The following PAPPA2 variants were observed in gnomAD, a reference collection of about 807,000 sequenced individuals.
The protein encoded by PAPPA2 is pappalysin 2.
A neutral mutation model predicts 176.4 loss-of-function variants in PAPPA2; 86 were observed. The observed-to-expected ratio is 0.49, with a 90% CI of 0.41 to 0.58. The LOEUF (loss-of-function observed/expected upper bound fraction) is 0.58, where lower values mean the gene tolerates loss of function less well. PAPPA2 is among the 20% of genes least tolerant of loss of function. The probability of loss-of-function intolerance (pLI) is 0.00; values close to 1 mark genes in which losing one functional copy is unlikely to be tolerated. For synonymous variants in PAPPA2, 809 were observed against 852.2 expected (o/e 0.95, Z 0.88); for missense variants, 2,073 against 2,256.9 (o/e 0.92, Z 1.65).
At chr1:176,707,992 C>T (rs1007994167) in intron 10 of PAPPA2, among the ~76,000 whole-genome samples, 3 of 152,110 alleles carry the variant, frequency 2.0e-5, no homozygotes, top group Non-Finnish European at 4.4e-5. Flanking sequence ...CTGGCTATGC[C>T]GAATACATCG....
In PAPPA2 at chr1:176,781,466, T is replaced by C. The variant is rs529743115; in HGVS notation, c.4716-8343T>C. Among the ~76,000 whole-genome samples the C allele has an allele frequency of 3.5e-5, 5 of 141,380 alleles. No individual in the cohort carries two copies. In the East Asian group the frequency reaches 1.0e-3, roughly 29 times the overall value. 92.8% of individuals were successfully genotyped at this position (141,380 alleles called of 152,430 possible). A position where few individuals can be genotyped will look rare whatever the true frequency, so the allele number is the denominator to read the frequency against. On this transcript the variant is annotated intron_variant, in intron 17 of 22. Coordinates refer to ENST00000367662, the MANE Select transcript of PAPPA2 (RefSeq NM_020318.3). ...CCTGCTGATGCTATTTCTTATCCTG[T>C]AGAAAGGGCTAGAATAGGACATCAG...
At position 176,595,385 on chromosome 1, in the gene PAPPA2, A is replaced by T; in HGVS notation, c.1781A>T (p.Asp594Val). The T allele has an allele frequency of 1.2e-6, 2 of 1,614,108 alleles. No homozygotes were observed. Among genetic ancestry groups the T allele is most frequent in the Non-Finnish European group, 1.7e-6 (2 of 1,180,016 alleles). Residue 594 changes from aspartate to valine, a missense_variant, in exon 3 of 23, where the codon GAC (aspartate) becomes GTC (valine). Around this residue, in one of 4 missense-constraint regions of PAPPA2, gnomAD observed 1,196 missense variants for 1,330.4 expected, o/e 0.90. Coordinates refer to ENST00000367662, the MANE Select transcript of PAPPA2 (RefSeq NM_020318.3). ...TGTGAGCCCAGCAAGATTGGCAATG[A>T]CCATTGTGACCCCGAGTGTGAGCAC... ...VNCEPSKIGN[D>V]HCDPECEHPL...
intron 20 of PAPPA2, among the ~76,000 whole-genome samples, chr1:176,795,034 T>C (rs997017213): frequency 2.0e-5 from 3 of 152,156 alleles, no homozygotes; most frequent in South Asian, 4.1e-4. Context: ...TGCCCATTGC[T>C]CATGTCCTCA....
intron 12 of PAPPA2, among the ~76,000 whole-genome samples, chr1:176,713,971 A>C (rs1661257095): frequency 6.6e-6 from 1 of 152,132 alleles, no homozygotes; most frequent in Non-Finnish European, 1.5e-5. Flanking sequence ...GGCTGGCCTA[A>C]AACAATTAAT....
chr1:176,623,789 T>TTCTTTCTTTCTTTCTTTCTC (rs1655837293), intron 3 of PAPPA2, among the ~76,000 whole-genome samples: 1 of 120,754 alleles, frequency 8.3e-6, no homozygotes, highest in Admixed American at 9.1e-5. Context: ...CTTTCTTTCT[T>TTCTTTCTTTCTTTCTTTCTC]TCTTTCTTTC....
At chr1:176,591,251 C>G (rs980049977) in intron 2 of PAPPA2, among the ~76,000 whole-genome samples, 1 of 152,112 alleles carries the variant, frequency 6.6e-6, no homozygotes, top group African/African-American at 2.4e-5. Flanking sequence ...CTGATCTTAT[C>G]TCTTGGAATT....
chr1:176,796,930 C>T (rs1211399322), intron 20 of PAPPA2, among the ~76,000 whole-genome samples: 2 of 151,696 alleles, frequency 1.3e-5, no homozygotes, highest in African/African-American at 4.8e-5. Flanking sequence ...TTCTTTTCTT[C>T]CTTTCTTTTC....
chr1:176,796,605 C>CTT (rs1665438335), intron 20 of PAPPA2, among the ~76,000 whole-genome samples: 3 of 37,352 alleles, frequency 8.0e-5, no homozygotes, highest in South Asian at 2.4e-3. Context: ...TCTTTCTTTT[C>CTT]TTTTCTTTTC....
chr1:176,671,006 G>A lies in PAPPA2; in HGVS notation c.2028G>A (p.Leu676=). ...YMSVKELKEA[L]QLNSTHFLNI... ...GTGTGAAGGAGCTGAAGGAGGCCCT[G>A]CAGCTGAACAGTACTCACTTCCTCA... The change falls in exon 4 of 23, where the codon CTG becomes CTA. Residue 676 remains leucine (L), a synonymous_variant. Transcript: ENST00000367662. 6.2e-7 allele frequency: 1 copy of A among 1,613,918 alleles called. No individual in the cohort carries two copies. The highest frequency in any genetic ancestry group is 8.5e-7 in the Non-Finnish European group (1 of 1,179,862).
In PAPPA2 at chr1:176,817,113, T is replaced by C. The variant is rs560723311; in HGVS notation, c.5202+16981T>C. Among the ~76,000 whole-genome samples, 3 of 152,004 alleles carry C rather than the reference T, an allele frequency of 2.0e-5. No homozygotes were observed. The East Asian group carries it at 5.8e-4, about 29-fold the overall frequency. On this transcript the variant is annotated intron_variant, in intron 21 of 22. Transcript: ENST00000367662. ...TAGGGGATCAGAGAAAAGAAAGTGG[T>C]TGTGTTTGGGGAGCAGGCAAGAGGT...
At chr1:176,506,957 G>C (rs1648303197) in intron 1 of PAPPA2, among the ~76,000 whole-genome samples, 1 of 152,002 alleles carries the variant, frequency 6.6e-6, no homozygotes, top group Admixed American at 6.6e-5. Context: ...TTAAACTAAA[G>C]AGCTTCTGCA....
Position 176,769,682 on chromosome 1 carries a change from C to T in PAPPA2, c.4399C>T (p.Pro1467Ser). 6.2e-7 allele frequency: 1 copy of T among 1,613,982 alleles called. No homozygotes were observed. The highest frequency in any genetic ancestry group is 8.5e-7 in the Non-Finnish European group (1 of 1,179,966). ...VSCLPVDCGVPDPSLVNYANF... is the reference protein window; with the variant it reads ...VSCLPVDCGVSDPSLVNYANF... ...CTGCCTTCCCGTGGACTGCGGTGTT[C>T]CCGACCCGTCTTTGGTGAACTATGC... The change falls in exon 16 of 23, where the codon CCC becomes TCC. Residue 1467 changes from proline to serine, a missense_variant. By Grantham distance (74) the Pro-to-Ser change is moderately conservative (BLOSUM62 -1). Coordinates refer to ENST00000367662, the MANE Select transcript of PAPPA2 (RefSeq NM_020318.3).
chr1:176,558,617 A>G (rs1651471527), intron 2 of PAPPA2, among the ~76,000 whole-genome samples: 1 of 152,188 alleles, frequency 6.6e-6, no homozygotes. Flanking sequence ...GCTATAAGTT[A>G]GGTGGGGGAA....
intron 4 of PAPPA2, among the ~76,000 whole-genome samples, chr1:176,672,291 T>A (rs1240080316): frequency 1.3e-5 from 2 of 151,886 alleles, no homozygotes; most frequent in African/African-American, 4.8e-5. Flanking sequence ...AAATTGAGAG[T>A]AATATTTTAT....
chr1:176,651,074 A>C (rs1192239602), intron 3 of PAPPA2, among the ~76,000 whole-genome samples: 3 of 151,718 alleles, frequency 2.0e-5, no homozygotes, highest in African/African-American at 7.3e-5. Flanking sequence ...GCCTTATAAA[A>C]CTTATAAACT....
chr1:176,802,084 G>A (rs986925132), intron 21 of PAPPA2, among the ~76,000 whole-genome samples: 7 of 152,230 alleles, frequency 4.6e-5, no homozygotes, highest in African/African-American at 1.7e-4. Flanking sequence ...TCAGGCCCCC[G>A]AATACCTACT....
intron 1 of PAPPA2, 23 bp from the exon 2 acceptor site, chr1:176,555,384 T>G (rs1187895655): frequency 2.0e-5 from 3 of 152,330 alleles, no homozygotes; most frequent in Admixed American, 2.0e-4. Context: ...CTCTTCTTTT[T>G]GCTCTTTTCC....
intron 21 of PAPPA2, among the ~76,000 whole-genome samples, chr1:176,808,930 C>T (rs1666025236): frequency 6.6e-6 from 1 of 152,134 alleles, no homozygotes; most frequent in Non-Finnish European, 1.5e-5. Flanking sequence ...CAGTCACCAT[C>T]CCCCAGTGAG....
chr1:176,589,744 C>A (rs1348740735), intron 2 of PAPPA2, among the ~76,000 whole-genome samples: 5 of 152,180 alleles, frequency 3.3e-5, no homozygotes, highest in Non-Finnish European at 7.4e-5. Flanking sequence ...ATGTTTGTTT[C>A]TATCTCATGT....
Sources: allele counts gnomAD v4.1 joint callset (sites outside exome capture counted in the v4.1 genomes callset), GRCh38; gene constraint gnomAD v4.1.1; regional missense constraint gnomAD v4.1.1; transcripts MANE v1.5; gene names NCBI Gene and HGNC (gene_info 2026-07-23, HGNC 2026-07-21).